Variants in TRIP12 observed in about 807,000 individuals in gnomAD.
TRIP12 encodes thyroid hormone receptor interactor 12.
TRIP12 carries 25 observed loss-of-function variants against 244.2 expected under a neutral mutation model. The ratio of observed to expected loss-of-function variants is 0.10; its 90% CI spans 0.07 to 0.14. The LOEUF (loss-of-function observed/expected upper bound fraction) is 0.14, where lower values mean the gene tolerates loss of function less well. Among genes scored for constraint, TRIP12 ranks in the 10% least tolerant of loss-of-function variants. The pLI is 1.00. For missense variants in TRIP12, 1,677 were observed against 2,486.4 expected, an observed-to-expected ratio of 0.67 and a Z score of 6.92; for synonymous variants, 905 against 873.1, an observed-to-expected ratio of 1.04 and a Z score of -0.64.
rs187443408 is a variant in TRIP12 at position 229,779,901 on chromosome 2, G to A, written c.5095-911C>T. Among the ~76,000 whole-genome samples the A allele has an allele frequency of 7.9e-4, 121 of 152,232 alleles. 2 individuals are homozygous for A. The South Asian group carries it at 0.014, about 18-fold the overall frequency. ...TTCCTTCACGATCTGTCAAGGTCCC[G>A]CCAGATCAGACCATAAACAAAGATA... On this transcript the variant is annotated intron_variant, in intron 34 of 41. Coordinates refer to ENST00000675903, the MANE Select transcript of TRIP12 (RefSeq NM_001348323.3).
chr2:229,815,052 G>T, intron 11 of TRIP12, 47 bp downstream of exon 11: 2 of 1,414,144 alleles, frequency 1.4e-6, no homozygotes, highest in South Asian at 2.6e-5. Context: ...TTTGAAACTT[G>T]ACTCCCTATG....
chr2:229,868,716 G>C (rs1415980976), intron 2 of TRIP12, among the ~76,000 whole-genome samples: 1 of 152,180 alleles, frequency 6.6e-6, no homozygotes, highest in African/African-American at 2.4e-5. Context: ...ACTCACACCG[G>C]TTAAACAGAC....
rs556239029 is a variant in TRIP12 at position 229,771,769 on chromosome 2, T to C, written c.5695-137A>G. ...ACAAGTTATTAAGACTTTAAAATAA[T>C]CTGCTAGAAAACTACATGAGTAAAA... is the stretch of plus-strand genomic sequence containing the variant. On this transcript the variant is annotated intron_variant, in intron 38 of 41. Coordinates refer to ENST00000675903, the MANE Select transcript of TRIP12 (RefSeq NM_001348323.3). The C allele has an allele frequency of 1.6e-4, 95 of 591,122 alleles. 3 individuals carry two copies. In the South Asian group the frequency reaches 2.2e-3, roughly 14 times the overall value. The allele number at this position is 591,122 out of a possible 1,614,324, so 36.6% of individuals were successfully genotyped here. A position where few individuals can be genotyped will look rare whatever the true frequency, so the allele number is the denominator to read the frequency against.
In TRIP12 at chr2:229,765,185, TCTGA is replaced by T. The variant is rs1237147678; in HGVS notation, c.*2365_*2368del. ...AATTCGGTGTTAGCTATGACTAACA[TCTGA>T]CTGACTCCATCTCAGCAAAAAATAA... On this transcript the variant is annotated 3_prime_UTR_variant, in exon 42 of 42. Transcript: ENST00000675903. The T allele has an allele frequency of 4.6e-5, 7 of 152,228 alleles. No individual in the cohort carries two copies. Among genetic ancestry groups the T allele is most frequent in the Non-Finnish European group, 8.8e-5 (6 of 68,042 alleles). The allele number at this position is 152,228 out of a possible 1,614,324, so 9.4% of individuals were successfully genotyped here.
intron 21 of TRIP12, among the ~76,000 whole-genome samples, chr2:229,801,377 C>G (rs1347921793): frequency 6.6e-6 from 1 of 152,232 alleles, no homozygotes; most frequent in African/African-American, 2.4e-5. Context: ...CTCATCCCCT[C>G]TCCTACCTGA....
rs560468616 is a variant in TRIP12 at position 229,876,797 on chromosome 2, A to G, written c.98+3185T>C. On this transcript the variant is annotated intron_variant, in intron 2 of 41. Coordinates refer to ENST00000675903, the MANE Select transcript of TRIP12 (RefSeq NM_001348323.3). Reference sequence around the variant, plus strand: ...TCCCACCTCAGCCTCCTATGTAGCTAGAAATATCAGTGTGTTCCACTGTGC... The same window carrying G: ...TCCCACCTCAGCCTCCTATGTAGCTGGAAATATCAGTGTGTTCCACTGTGC... Among the ~76,000 whole-genome samples, 5 of 152,206 alleles carry G rather than the reference A, an allele frequency of 3.3e-5. No individual in the cohort carries two copies. The East Asian group carries it at 9.7e-4, about 30-fold the overall frequency.
chr2:229,864,047 AGT>A (rs371818159), intron 2 of TRIP12, among the ~76,000 whole-genome samples: 2,226 of 78,946 alleles, frequency 0.028, 42 homozygotes, highest in East Asian at 0.077. Context: ...AGAGAGAGAG[AGT>A]GTGTGTGTGT....
At chr2:229,820,294 A>T (rs1397451457) in intron 8 of TRIP12, among the ~76,000 whole-genome samples, 1 of 152,148 alleles carries the variant, frequency 6.6e-6, no homozygotes, top group Non-Finnish European at 1.5e-5. Context: ...CTTATACAGC[A>T]TAATCAAAAT....
At position 229,808,277 on chromosome 2, in the gene TRIP12, A is replaced by C. The variant is rs2046381819; in HGVS notation, c.2314T>G (p.Leu772Val). ...IDLVPRSPQE[L>V]YELTSLICEL... ...CAAATCAGAGATGTCAGTTCATACA[A>C]CTCTTGAGGGCTTCGTGGAACAAGA... The change falls in exon 16 of 42, where the codon TTG becomes GTG. Residue 772 changes from leucine to valine, a missense_variant. Transcript: ENST00000675903. 1 of 1,612,832 alleles carries C rather than the reference A, an allele frequency of 6.2e-7. No individual in the cohort carries two copies. Among genetic ancestry groups the C allele is most frequent in the African/African-American group, 1.3e-5 (1 of 74,820 alleles).
At chr2:229,859,971 CA>C (rs1480478262) in intron 3 of TRIP12, among the ~76,000 whole-genome samples, 2 of 152,180 alleles carry the variant, frequency 1.3e-5, no homozygotes, top group Non-Finnish European at 2.9e-5. Context: ...TACGCACTTT[CA>C]AAATGAAGGT....
chr2:229,897,688 C>T (rs537421585), intron 1 of TRIP12, among the ~76,000 whole-genome samples: 1 of 152,306 alleles, frequency 6.6e-6, no homozygotes, highest in East Asian at 1.9e-4. Flanking sequence ...TTTACAAAAT[C>T]TTCTTGCCTT....
chr2:229,801,565 T>G (rs1041872413), intron 21 of TRIP12, among the ~76,000 whole-genome samples: 2 of 152,222 alleles, frequency 1.3e-5, no homozygotes, highest in African/African-American at 2.4e-5. Context: ...CAGGTACCAC[T>G]CATCTAGTAA....
intron 24 of TRIP12, 123 bp from the exon 25 acceptor site, chr2:229,796,905 G>A: frequency 1.3e-6 from 1 of 778,380 alleles, no homozygotes; most frequent in Non-Finnish European, 2.0e-6. Flanking sequence ...GGGCAGGGGA[G>A]TGGTACAGTC....
At chr2:229,899,168 CT>C (rs2069837423) in intron 1 of TRIP12, among the ~76,000 whole-genome samples, 1 of 152,238 alleles carries the variant, frequency 6.6e-6, no homozygotes, top group South Asian at 2.1e-4. Context: ...ATTTCCAGGC[CT>C]GTCTCGAACT....
At chr2:229,915,608 T>G (rs1309642871) in intron 1 of TRIP12, among the ~76,000 whole-genome samples, 1 of 98,634 alleles carries the variant, frequency 1.0e-5, no homozygotes, top group Non-Finnish European at 2.0e-5. Flanking sequence ...TACTTGGGAT[T>G]AGTGTCCTTA....
chr2:229,792,268 G>T (rs769091044), intron 27 of TRIP12, 42 bp from the exon 28 acceptor site: 7 of 1,576,330 alleles, frequency 4.4e-6, no homozygotes, highest in Non-Finnish European at 6.0e-6. Flanking sequence ...GCGATTTTAG[G>T]TGTAAAAAAA....
intron 8 of TRIP12, among the ~76,000 whole-genome samples, chr2:229,827,537 T>A (rs1421410372): frequency 6.6e-6 from 1 of 152,218 alleles, no homozygotes; most frequent in South Asian, 2.1e-4. Flanking sequence ...AACATTAACC[T>A]AGGCCTGCAC....
At chr2:229,875,396 C>A (rs535086101) in intron 2 of TRIP12, among the ~76,000 whole-genome samples, 10 of 152,282 alleles carry the variant, frequency 6.6e-5, no homozygotes, top group South Asian at 2.1e-4. Context: ...TAGAAAAAAA[C>A]AGAGTGGGTC....
At chr2:229,922,743 G>A (rs2076783329), upstream of TRIP12, 6 of 853,274 alleles carry the variant, frequency 7.0e-6, no homozygotes, top group Non-Finnish European at 1.1e-5. Context: ...CGCGCCGGGA[G>A]ATTTTCCTCG....
Sources: allele counts gnomAD v4.1 joint callset (sites outside exome capture counted in the v4.1 genomes callset), GRCh38; gene constraint gnomAD v4.1.1; transcripts MANE v1.5; gene names NCBI Gene and HGNC (gene_info 2026-07-23, HGNC 2026-07-21).